NCAM2: variants seen among roughly 807,000 people sequenced by gnomAD.
The protein encoded by NCAM2 is N-CAM-2.
A neutral mutation model predicts 98.1 loss-of-function variants in NCAM2; 30 were observed. That is an observed-to-expected ratio of 0.31 (90% CI 0.23 to 0.41). NCAM2 has a LOEUF of 0.41. Ranked by LOEUF, NCAM2 falls within the 10% of genes least tolerant of loss-of-function variation. The pLI, the probability that NCAM2 is intolerant of heterozygous loss-of-function variation, is 1.00. For missense variants in NCAM2, 867 were observed against 1,005.8 expected (o/e 0.86, Z 1.87); for synonymous variants, 368 against 342.4 (o/e 1.07, Z -0.83).
rs116090467 is a variant in NCAM2 at position 21,062,435 on chromosome 21, C to T, written c.55+63817C>T. Reference sequence around the variant, plus strand: ...TTTGACTGGTAAATCATAACTTATACGTATTTTCACAAATCCCAGTGAGTT... The same window carrying T: ...TTTGACTGGTAAATCATAACTTATATGTATTTTCACAAATCCCAGTGAGTT... On this transcript the variant is annotated intron_variant, in intron 1 of 17. Coordinates refer to ENST00000400546, the MANE Select transcript of NCAM2 (RefSeq NM_004540.5). Among the ~76,000 whole-genome samples the T allele has an allele frequency of 6.0e-3, 910 of 152,124 alleles. 10 individuals carry two copies. The highest frequency in any genetic ancestry group is 0.021 in the African/African-American group (872 of 41,506).
intron 12 of NCAM2, among the ~76,000 whole-genome samples, chr21:21,448,441 A>G (rs894808346): frequency 1.3e-5 from 2 of 152,014 alleles, no homozygotes; most frequent in African/African-American, 4.8e-5. Context: ...CTATAGGTGC[A>G]GCAAACCATC....
At chr21:21,432,451 AAT>A (rs1264277553) in intron 12 of NCAM2, among the ~76,000 whole-genome samples, 170 bp downstream of exon 12, 1 of 151,870 alleles carries the variant, frequency 6.6e-6, no homozygotes, top group Non-Finnish European at 1.5e-5. Flanking sequence ...ATACAGAGTG[AAT>A]AGTTTCCATC....
intron 1 of NCAM2, among the ~76,000 whole-genome samples, chr21:21,245,792 T>C (rs1031229412): frequency 2.0e-5 from 3 of 152,014 alleles, no homozygotes; most frequent in Non-Finnish European, 4.4e-5. Flanking sequence ...AGGTGGATGG[T>C]AGATGATAGA....
chr21:21,208,327 A>AATTTAATT (rs1175311767), intron 1 of NCAM2, among the ~76,000 whole-genome samples: 2 of 152,206 alleles, frequency 1.3e-5, no homozygotes, highest in African/African-American at 4.8e-5. Context: ...TTATCACTTC[A>AATTTAATT]AACCATTTAA....
chr21:21,305,291 C>A (rs1030692017), intron 5 of NCAM2, among the ~76,000 whole-genome samples: 1 of 152,064 alleles, frequency 6.6e-6, no homozygotes. Flanking sequence ...GCACTCCAGC[C>A]TGGGCGATAG....
At chr21:21,398,971 G>A (rs1022454867) in intron 9 of NCAM2, among the ~76,000 whole-genome samples, 1 of 152,148 alleles carries the variant, frequency 6.6e-6, no homozygotes, top group African/African-American at 2.4e-5. Context: ...AAATCCCAAA[G>A]TACCATATTA....
rs966622454 is a variant in NCAM2, at chr21:21,466,686, G to A, written c.1735G>A (p.Asp579Asn). Residue 579 changes from aspartate to asparagine, a missense_variant, in exon 13 of 18, where the codon GAC becomes AAC. By Grantham distance (23) the Asp-to-Asn change is conservative. Coordinates refer to ENST00000400546, the MANE Select transcript of NCAM2 (RefSeq NM_004540.5). ...VAAVNGKGQG[D>N]YSKIEIFQTL... ...AGCTGTAAATGGAAAGGGACAAGGA[G>A]ACTACAGTAAAATAGAAATCTTCCA... 2 of 1,609,670 alleles carry A rather than the reference G, an allele frequency of 1.2e-6. No individual in the cohort carries two copies. The highest frequency in any genetic ancestry group is 1.7e-6 in the Non-Finnish European group (2 of 1,177,388).
In NCAM2 at chr21:21,410,393, T is replaced by C; in HGVS notation, c.1315T>C (p.Leu439=). The part of the protein sequence containing the change: ...PASIHWRRDK[L]VLPAKNTTNL... ...ATCAATTCACTGGAGAAGAGATAAA[T>C]TAGTCTTACCTGCTAAAAACACGAC... The change falls in exon 10 of 18, where the codon TTA becomes CTA. Residue 439 remains leucine (L), a synonymous_variant. Coordinates refer to ENST00000400546, the MANE Select transcript of NCAM2 (RefSeq NM_004540.5). 2 of 1,601,920 alleles carry C rather than the reference T, an allele frequency of 1.2e-6. No individual in the cohort carries two copies. Among genetic ancestry groups the C allele is most frequent in the East Asian group, 2.3e-5 (1 of 44,132 alleles).
chr21:21,176,392 C>G (rs1013613505), intron 1 of NCAM2, among the ~76,000 whole-genome samples: 1 of 152,114 alleles, frequency 6.6e-6, no homozygotes, highest in African/African-American at 2.4e-5. Flanking sequence ...GAAATATCCT[C>G]CTAATGGTGA....
At chr21:21,394,964 G>T (rs2076470150) in intron 9 of NCAM2, among the ~76,000 whole-genome samples, 1 of 152,110 alleles carries the variant, frequency 6.6e-6, no homozygotes, top group Non-Finnish European at 1.5e-5. Context: ...GTTATTGACT[G>T]AATAGCTACT....
At chr21:21,309,752 T>G (rs973769492) in intron 5 of NCAM2, among the ~76,000 whole-genome samples, 2 of 152,142 alleles carry the variant, frequency 1.3e-5, no homozygotes, top group Non-Finnish European at 2.9e-5. Context: ...CAGAGAGACC[T>G]CTAAACTCCA....
intron 16 of NCAM2, among the ~76,000 whole-genome samples, chr21:21,532,116 GTATT>G (rs1229724218): frequency 6.6e-5 from 10 of 151,842 alleles, no homozygotes; most frequent in Admixed American, 6.6e-4. Flanking sequence ...AATACTTATG[GTATT>G]TATTATAATA....
At chr21:21,421,960 T>G (rs1182173213) in intron 11 of NCAM2, among the ~76,000 whole-genome samples, 1 of 152,194 alleles carries the variant, frequency 6.6e-6, no homozygotes, top group Non-Finnish European at 1.5e-5. Flanking sequence ...TCCTTGCATT[T>G]TCCCTTTTTA....
chr21:21,092,054 T>G (rs28510503), intron 1 of NCAM2, among the ~76,000 whole-genome samples: 1 of 152,078 alleles, frequency 6.6e-6, no homozygotes, highest in East Asian at 1.9e-4. Context: ...TGAGTGAATT[T>G]CTGTTAGAAA....
At chr21:21,340,165 T>G (rs1481937678) in intron 8 of NCAM2, among the ~76,000 whole-genome samples, 2 of 151,910 alleles carry the variant, frequency 1.3e-5, no homozygotes, top group Non-Finnish European at 2.9e-5. Context: ...ATTAGATCAC[T>G]CAAAAGTATT....
At position 21,541,756 on chromosome 21, in the gene NCAM2, T is replaced by C. The variant is rs1296105858; in HGVS notation, c.*3799T>C. 2.0e-5 allele frequency: 3 copies of C among 151,924 alleles called. No homozygotes were observed. Among genetic ancestry groups the C allele is most frequent in the East Asian group, 3.9e-4 (2 of 5,186 alleles). 9.4% of individuals were successfully genotyped at this position (151,924 alleles called of 1,614,324 possible). ...ATTGGAATAGCATATTATAATTATT[T>C]ATGAGGTTCCCAATGTTGTTTTTCA... On this transcript the variant is annotated 3_prime_UTR_variant, in exon 18 of 18. Coordinates refer to ENST00000400546, the MANE Select transcript of NCAM2 (RefSeq NM_004540.5).
At chr21:21,206,102 A>C (rs2069427119) in intron 1 of NCAM2, among the ~76,000 whole-genome samples, 1 of 152,200 alleles carries the variant, frequency 6.6e-6, no homozygotes, top group Non-Finnish European at 1.5e-5. Flanking sequence ...TGTGCTTTTT[A>C]GGACATCATA....
intron 1 of NCAM2, among the ~76,000 whole-genome samples, chr21:21,255,043 C>T (rs1397502018): frequency 6.6e-6 from 1 of 151,524 alleles, no homozygotes; most frequent in African/African-American, 2.4e-5. Flanking sequence ...ATTTGGGTGC[C>T]AAATGATATC....
At chr21:21,043,200 A>G (rs1031878280) in intron 1 of NCAM2, among the ~76,000 whole-genome samples, 2 of 152,174 alleles carry the variant, frequency 1.3e-5, no homozygotes, top group Admixed American at 6.5e-5. Flanking sequence ...AGTTCGTGCC[A>G]TTATCAAAAA....
Sources: gnomAD v4.1 joint callset for allele counts (sites outside exome capture counted in the v4.1 genomes callset) on GRCh38, gnomAD v4.1.1 for gene constraint, MANE v1.5 for transcripts, NCBI Gene and HGNC (gene_info 2026-07-23, HGNC 2026-07-21) for gene names.